Variants in EIF1 observed in about 807,000 individuals in gnomAD.
The protein encoded by EIF1 is protein translation factor SUI1 homolog.
Under a neutral mutation model 13.7 loss-of-function variants are expected in EIF1, and 4 were observed. The observed-to-expected ratio is 0.29, with a 90% CI of 0.14 to 0.67. EIF1 has a LOEUF of 0.67. Ranked by LOEUF, EIF1 falls within the 30% of genes least tolerant of loss-of-function variation. The pLI, the probability that EIF1 is intolerant of heterozygous loss-of-function variation, is 0.77. For missense variants in EIF1, 64 were observed against 138.0 expected (o/e 0.46, Z 2.69); for synonymous variants, 67 against 50.7 (o/e 1.32, Z -1.37).
chr17:41,689,101 G>C, intron 1 of EIF1, 32 bp downstream of exon 1: 1 of 1,611,990 alleles, frequency 6.2e-7, no homozygotes. Flanking sequence ...GGGCCCGGGT[G>C]GGGCAGCGGG....
chr17:41,688,988 C>G lies in EIF1; in HGVS notation c.-51C>G. On this transcript the variant is annotated 5_prime_UTR_variant, in exon 1 of 4. Coordinates refer to ENST00000469257, the MANE Select transcript of EIF1 (RefSeq NM_005801.4). Reference sequence around the variant, plus strand: ...CCTGCCCGCCTTCTCCCGCCACCGCCGCCGCCGCCTTCCGCAGGCCGTTTC... The same window carrying G: ...CCTGCCCGCCTTCTCCCGCCACCGCGGCCGCCGCCTTCCGCAGGCCGTTTC... 6.3e-7 allele frequency: 1 copy of G among 1,591,144 alleles called. No homozygotes were observed. The highest frequency in any genetic ancestry group is 8.5e-7 in the Non-Finnish European group (1 of 1,174,638).
rs772249624 is a variant in EIF1, at chr17:41,689,088, CGCGGGCCCGGGTGGGGCAGCGGGGCCTT to C, written c.31+20_31+47del. The C allele has an allele frequency of 6.2e-7, 1 of 1,613,436 alleles. No homozygotes were observed. Among genetic ancestry groups the C allele is most frequent in the Non-Finnish European group, 8.5e-7 (1 of 1,179,794 alleles). On this transcript the variant is annotated intron_variant, in intron 1 of 3. Coordinates refer to ENST00000469257, the MANE Select transcript of EIF1 (RefSeq NM_005801.4). ...TCTTTCGGTAAGCTATGGGAAAGGT[CGCGGGCCCGGGTGGGGCAGCGGGGCCTT>C]CCGGGCCCGGAGACGTGTTCCGGGA... is the stretch of plus-strand genomic sequence containing the variant.
At position 41,690,077 on chromosome 17, in the gene EIF1, T is replaced by G. The variant is rs1910327790; in HGVS notation, c.196-11T>G. 3.1e-6 allele frequency: 5 copies of G among 1,614,040 alleles called. No homozygotes were observed. The highest frequency in any genetic ancestry group is 4.2e-6 in the Non-Finnish European group (5 of 1,179,888). On this transcript the variant is annotated splice_polypyrimidine_tract_variant and intron_variant, in intron 2 of 3. Coordinates refer to ENST00000469257, the MANE Select transcript of EIF1 (RefSeq NM_005801.4). ...TTGCTAGGCCTAATTCGTTTTCCTT[T>G]GTGCTTGCAGAAGTTTGCCTGCAAT...
chr17:41,689,685 G>C, intron 1 of EIF1, 93 bp from the exon 2 acceptor site: 8 of 1,357,660 alleles, frequency 5.9e-6, no homozygotes, highest in Non-Finnish European at 8.0e-6. Flanking sequence ...TTTCAGTGTT[G>C]TTTTCTGCAC....
Position 41,690,888 on chromosome 17 carries a change from T to A in EIF1, c.*62T>A. The A allele has an allele frequency of 6.3e-7, 1 of 1,583,822 alleles. No individual in the cohort carries two copies. Among genetic ancestry groups the A allele is most frequent in the Non-Finnish European group, 8.7e-7 (1 of 1,154,504 alleles). ...CTTGCAATGAGTAGAATTTCCCTTC[T>A]CTCCCTTGTCACAGGTTTAAAAACC... On this transcript the variant is annotated 3_prime_UTR_variant, in exon 4 of 4. Transcript: ENST00000469257.
intron 1 of EIF1, chr17:41,689,461 C>A: frequency 2.2e-6 from 1 of 462,628 alleles, no homozygotes. Context: ...GGGTGGGAGG[C>A]TTAGCCCCGC....
rs1363373646 is a variant in EIF1 at position 41,690,129 on chromosome 17, T to C, written c.237T>C (p.Tyr79=). The change falls in exon 3 of 4, where the codon TAT becomes TAC. Residue 79 remains tyrosine, a synonymous_variant. Transcript: ENST00000469257. ...CNGTVIEHPE[Y]GEVIQLQGDQ... is the part of the protein sequence containing the mutation. Reference sequence around the variant, plus strand: ...GTACTGTAATTGAGCATCCGGAATATGGAGAAGTAATTCAGCTACAGGGTG... The same window carrying C: ...GTACTGTAATTGAGCATCCGGAATACGGAGAAGTAATTCAGCTACAGGGTG... 3.7e-6 allele frequency: 6 copies of C among 1,614,178 alleles called. No homozygotes were observed. Among genetic ancestry groups the C allele is most frequent in the Admixed American group, 1.7e-5 (1 of 60,024 alleles).
In EIF1 at chr17:41,692,032, GTGATCTGCC is replaced by G. The variant is rs1411829868; in HGVS notation, c.*1209_*1217del. 1.3e-5 allele frequency: 2 copies of G among 152,316 alleles called. No individual in the cohort carries two copies. The highest frequency in any genetic ancestry group is 2.9e-5 in the Non-Finnish European group (2 of 68,098). 9.4% of individuals were successfully genotyped at this position (152,316 alleles called of 1,614,324 possible). ...GCTGGTCTTGAACACCTGGCCTCAA[GTGATCTGCC>G]TGTCTTGGCCTCCCAAAGTGCTGGG... On this transcript the variant is annotated 3_prime_UTR_variant, in exon 4 of 4. Transcript: ENST00000469257.
rs779752305 is a variant in EIF1 at position 41,689,782 on chromosome 17, C to T, written c.36C>T (p.Pro12=). Residue 12 remains proline, a synonymous_variant, in exon 2 of 4, where the codon CCC becomes CCT. Transcript: ENST00000469257. ...SAIQNLHSFD[P]FADASKGDDL... ...GAGCTTAACCTTTTTTTTCAGACCC[C>T]TTTGCTGATGCAAGTAAGGGTGATG... 8.2e-6 allele frequency: 13 copies of T among 1,594,366 alleles called. No homozygotes were observed. Among genetic ancestry groups the T allele is most frequent in the African/African-American group, 1.4e-5 (1 of 73,814 alleles).
At position 41,691,377 on chromosome 17, in the gene EIF1, G is replaced by A. The variant is rs2143090492; in HGVS notation, c.*551G>A. 1 of 166,370 alleles carries A rather than the reference G, an allele frequency of 6.0e-6. No individual in the cohort carries two copies. Among genetic ancestry groups the A allele is most frequent in the South Asian group, 1.9e-4 (1 of 5,158 alleles). The allele number at this position is 166,370 out of a possible 1,614,324, so 10.3% of individuals were successfully genotyped here. A position where few individuals can be genotyped will look rare whatever the true frequency, so the allele number is the denominator to read the frequency against. ...GACATCTGGCTTGCCACAAAGGTCT[G>A]TTCGACCAGACATATCCTAGCTAAG... is the stretch of plus-strand genomic sequence containing the variant. On this transcript the variant is annotated 3_prime_UTR_variant, in exon 4 of 4. Transcript: ENST00000469257.
Position 41,691,977 on chromosome 17 carries a change from G to A in EIF1, c.*1151G>A, listed in dbSNP as rs901622028. On this transcript the variant is annotated 3_prime_UTR_variant, in exon 4 of 4. Coordinates refer to ENST00000469257, the MANE Select transcript of EIF1 (RefSeq NM_005801.4). ...TGCCCAGCTAACTTTTGTATTTTTA[G>A]TAGAGACAGGGTTTCTCCATGTTGG... 1.3e-5 allele frequency: 2 copies of A among 152,206 alleles called. No homozygotes were observed. The highest frequency in any genetic ancestry group is 4.8e-5 in the African/African-American group (2 of 41,442). The allele number at this position is 152,206 out of a possible 1,614,324, so 9.4% of individuals were successfully genotyped here.
rs895010790 is a variant in EIF1, at chr17:41,692,485, A to G, written c.*1659A>G. 1 of 152,222 alleles carries G rather than the reference A, an allele frequency of 6.6e-6. No individual in the cohort carries two copies. Among genetic ancestry groups the G allele is most frequent in the African/African-American group, 2.4e-5 (1 of 41,464 alleles). 9.4% of individuals were successfully genotyped at this position (152,222 alleles called of 1,614,324 possible). On this transcript the variant is annotated 3_prime_UTR_variant, in exon 4 of 4. Transcript: ENST00000469257. ...TCTTTCAGCACACATATCTGCATGCAGTCACGTGCTGCCTAAGGATGCTTC... is the reference window on the plus strand; with the variant it reads ...TCTTTCAGCACACATATCTGCATGCGGTCACGTGCTGCCTAAGGATGCTTC...
rs1910387607 is a variant in EIF1 at position 41,691,773 on chromosome 17, T to A, written c.*947T>A. On this transcript the variant is annotated 3_prime_UTR_variant, in exon 4 of 4. Transcript: ENST00000469257. ...GCCTGAATTTGGCCAAGAAAAACCT[T>A]TATGAGCTTGTCCCTCTCTGGTCAA... 1 of 152,560 alleles carries A rather than the reference T, an allele frequency of 6.6e-6. No homozygotes were observed. The highest frequency in any genetic ancestry group is 1.5e-5 in the Non-Finnish European group (1 of 68,042). 9.5% of individuals were successfully genotyped at this position (152,560 alleles called of 1,614,324 possible).
chr17:41,688,908 G>A lies in EIF1; in HGVS notation c.-131G>A, dbSNP rs934509021. On this transcript the variant is annotated 5_prime_UTR_variant, in exon 1 of 4. Transcript: ENST00000469257. ...CTGCCCCAGTCACTGAGCCGCCGCC[G>A]AGGATTCAGCAGCCTCCCCCTTGAG... 2.2e-6 allele frequency: 2 copies of A among 892,078 alleles called. No homozygotes were observed. Among genetic ancestry groups the A allele is most frequent in the African/African-American group, 1.7e-5 (1 of 60,564 alleles). The allele number at this position is 892,078 out of a possible 1,614,324, so 55.3% of individuals were successfully genotyped here. A position where few individuals can be genotyped will look rare whatever the true frequency, so the allele number is the denominator to read the frequency against.
At position 41,692,247 on chromosome 17, in the gene EIF1, A is replaced by C. The variant is rs1036249990; in HGVS notation, c.*1421A>C. 6.6e-6 allele frequency: 1 copy of C among 152,252 alleles called. No individual in the cohort carries two copies. The highest frequency in any genetic ancestry group is 1.5e-5 in the Non-Finnish European group (1 of 68,052). 9.4% of individuals were successfully genotyped at this position (152,252 alleles called of 1,614,324 possible). On this transcript the variant is annotated 3_prime_UTR_variant, in exon 4 of 4. Coordinates refer to ENST00000469257, the MANE Select transcript of EIF1 (RefSeq NM_005801.4). The stretch of plus-strand genomic sequence containing the variant: ...GTGGAGAGTAAATGCAAGGGCTATA[A>C]CAAGGGCATTCATGCTGTGGGTTAA...
rs1174169466 is a variant in EIF1, at chr17:41,691,311, CAG to C, written c.*488_*489del. On this transcript the variant is annotated 3_prime_UTR_variant, in exon 4 of 4. Transcript: ENST00000469257. ...GGTGTCTCCAACCTGACTAGGTGGACAGAGCTCAAAGAGGCCCTCTTACCGCT... is the reference window on the plus strand; with the variant it reads ...GGTGTCTCCAACCTGACTAGGTGGACAGCTCAAAGAGGCCCTCTTACCGCT... 2 of 226,660 alleles carry C rather than the reference CAG, an allele frequency of 8.8e-6. No homozygotes were observed. Among genetic ancestry groups the C allele is most frequent in the African/African-American group, 2.3e-5 (1 of 44,430 alleles). The allele number at this position is 226,660 out of a possible 1,614,324, so 14.0% of individuals were successfully genotyped here.
intron 1 of EIF1, chr17:41,689,377 C>T (rs1310378751): frequency 7.4e-6 from 4 of 537,762 alleles, no homozygotes; most frequent in African/African-American, 3.9e-5. Context: ...ACGTCCGTTA[C>T]GTCACCACCC....
chr17:41,689,655 C>T (rs1567766543), intron 1 of EIF1, 123 bp from the exon 2 acceptor site: 43 of 1,007,748 alleles, frequency 4.3e-5, no homozygotes, highest in Non-Finnish European at 5.0e-5. Context: ...ACACATTCGG[C>T]CTGGCCCAAG....
At chr17:41,689,431 G>A (rs1228036740) in intron 1 of EIF1, 2 of 487,562 alleles carry the variant, frequency 4.1e-6, no homozygotes, top group Admixed American at 7.8e-5. Context: ...GCCCTAAGTG[G>A]CAAGCGGGTG....
Sources: gnomAD v4.1 joint callset for allele counts on GRCh38, gnomAD v4.1.1 for gene constraint, MANE v1.5 for transcripts, NCBI Gene and HGNC (gene_info 2026-07-23, HGNC 2026-07-21) for gene names.